The following PEBP4 variants were observed in gnomAD, a reference collection of about 807,000 sequenced individuals.
PEBP4 encodes phosphatidylethanolamine binding protein 4.
In PEBP4, 22 loss-of-function variants were observed where a neutral mutation model predicts 23.9. The observed-to-expected ratio is 0.92, with a 90% CI of 0.66 to 1.31. The LOEUF (loss-of-function observed/expected upper bound fraction) is 1.31. PEBP4 is among the 40% of genes most tolerant of loss of function. The pLI is 0.00. For missense variants in PEBP4, 324 were observed against 281.7 expected (o/e 1.15, Z -1.07); for synonymous variants, 112 against 99.3 (o/e 1.13, Z -0.76).
chr8:22,787,168 G>C (rs545275266), intron 4 of PEBP4, among the ~76,000 whole-genome samples: 2 of 152,322 alleles, frequency 1.3e-5, no homozygotes, highest in East Asian at 3.9e-4. Flanking sequence ...TTGGGCAGGA[G>C]AGGAGTCTGT....
At chr8:22,763,214 A>G (rs1237116926) in intron 4 of PEBP4, among the ~76,000 whole-genome samples, 2 of 152,142 alleles carry the variant, frequency 1.3e-5, no homozygotes, top group Admixed American at 1.3e-4. Flanking sequence ...CATGTTGGCC[A>G]GGCTGGTCTC....
intron 4 of PEBP4, among the ~76,000 whole-genome samples, chr8:22,737,294 C>CAAAA (rs11302571): frequency 1.4e-3 from 92 of 65,474 alleles, no homozygotes; most frequent in African/African-American, 5.0e-3. Context: ...GACTCCGTCT[C>CAAAA]AAAAAAAAAA....
At chr8:22,842,354 T>A (rs1361263645) in intron 3 of PEBP4, among the ~76,000 whole-genome samples, 4 of 152,148 alleles carry the variant, frequency 2.6e-5, no homozygotes, top group African/African-American at 9.7e-5. Context: ...AAAGTCTGGG[T>A]ATGGTGGCCA....
intron 4 of PEBP4, among the ~76,000 whole-genome samples, chr8:22,812,948 G>A (rs1028135164): frequency 1.3e-5 from 2 of 151,954 alleles, no homozygotes; most frequent in African/African-American, 2.4e-5. Context: ...TCACAGAGGC[G>A]AAGTTGCAGT....
chr8:22,848,914 C>G (rs1807495751), intron 3 of PEBP4, among the ~76,000 whole-genome samples: 1 of 152,184 alleles, frequency 6.6e-6, no homozygotes, highest in South Asian at 2.1e-4. Context: ...GCACTAGCCA[C>G]CATCATTCAG....
intron 4 of PEBP4, among the ~76,000 whole-genome samples, chr8:22,800,625 C>T (rs762537704): frequency 6.6e-6 from 1 of 152,146 alleles, no homozygotes. Flanking sequence ...AACCGCACAT[C>T]AGGCTGCAGG....
At chr8:22,890,414 C>A (rs1419240499) in intron 3 of PEBP4, among the ~76,000 whole-genome samples, 1 of 152,232 alleles carries the variant, frequency 6.6e-6, no homozygotes, top group Non-Finnish European at 1.5e-5. Flanking sequence ...CAATAAGCAA[C>A]CTCAAGTCAT....
At chr8:22,925,259 T>G in intron 2 of PEBP4, 3 of 985,426 alleles carry the variant, frequency 3.0e-6, no homozygotes, top group Non-Finnish European at 3.6e-6. Context: ...AGTCTCTTTC[T>G]CAGACTGGGG....
chr8:22,893,389 C>A (rs1808532116), intron 3 of PEBP4, among the ~76,000 whole-genome samples: 1 of 152,098 alleles, frequency 6.6e-6, no homozygotes, highest in Admixed American at 6.6e-5. Flanking sequence ...TAAAAATCCA[C>A]AAGTCTGGCA....
chr8:22,852,844 A>C (rs1807575494), intron 3 of PEBP4, among the ~76,000 whole-genome samples: 1 of 152,218 alleles, frequency 6.6e-6, no homozygotes, highest in African/African-American at 2.4e-5. Context: ...AAAATGCAAA[A>C]TGCTAAGATG....
chr8:22,856,413 G>A (rs1807650754), intron 3 of PEBP4, among the ~76,000 whole-genome samples: 1 of 152,118 alleles, frequency 6.6e-6, no homozygotes, highest in African/African-American at 2.4e-5. Flanking sequence ...ATTTGGCAAT[G>A]AATATCAAAA....
chr8:22,918,950 C>CACATGTGCAT (rs60679438), intron 3 of PEBP4, among the ~76,000 whole-genome samples: 7 of 151,872 alleles, frequency 4.6e-5, no homozygotes, highest in Non-Finnish European at 8.8e-5. Flanking sequence ...CACATGTGCA[C>CACATGTGCAT]GTGTGCACTT....
intron 4 of PEBP4, among the ~76,000 whole-genome samples, chr8:22,737,294 C>CAAAAAAAAAAAAAAAA (rs11302571): frequency 1.5e-5 from 1 of 65,496 alleles, no homozygotes; most frequent in Non-Finnish European, 3.1e-5. Flanking sequence ...GACTCCGTCT[C>CAAAAAAAAAAAAAAAA]AAAAAAAAAA....
intron 3 of PEBP4, among the ~76,000 whole-genome samples, chr8:22,882,559 G>A (rs920935554): frequency 2.0e-5 from 3 of 152,200 alleles, no homozygotes; most frequent in South Asian, 2.1e-4. Context: ...AAAAGGGACC[G>A]TGGCTCCCGG....
intron 3 of PEBP4, among the ~76,000 whole-genome samples, chr8:22,881,108 T>A (rs1268895498): frequency 1.1e-4 from 16 of 152,258 alleles, no homozygotes; most frequent in Admixed American, 1.0e-3. Context: ...AGCCAGGATA[T>A]TCCTACCTCT....
chr8:22,900,951 A>G (rs960583891), intron 3 of PEBP4, among the ~76,000 whole-genome samples: 16 of 152,212 alleles, frequency 1.1e-4, no homozygotes, highest in Non-Finnish European at 5.9e-5. Flanking sequence ...CAGAAGGACC[A>G]TAAGGACACT....
chr8:22,721,074 C>T (rs7829416), intron 6 of PEBP4, among the ~76,000 whole-genome samples: 2 of 151,814 alleles, frequency 1.3e-5, no homozygotes, highest in South Asian at 2.1e-4. Context: ...AGCCCCTCCA[C>T]GACCCTTGCT....
intron 4 of PEBP4, among the ~76,000 whole-genome samples, chr8:22,764,310 C>T (rs1366823050): frequency 6.6e-6 from 1 of 152,166 alleles, no homozygotes; most frequent in African/African-American, 2.4e-5. Flanking sequence ...ACTCTTCTCT[C>T]CCAATGCTGA....
Position 22,865,972 on chromosome 8 carries a change from C to T in PEBP4, c.259-48237G>A, listed in dbSNP as rs977958534. On this transcript the variant is annotated intron_variant, in intron 3 of 6. Transcript: ENST00000256404. The surrounding 1 kb of genome is among the most constrained non-coding windows in gnomAD (Gnocchi z 6.9). ...CGGTGCTGCCCGGAGAGCGCGCAGC[C>T]CCCAGCCGGCCGCGCCAGCGCTGCG... is the stretch of plus-strand genomic sequence containing the variant. Among the ~76,000 whole-genome samples the T allele has an allele frequency of 6.6e-6, 1 of 151,960 alleles. No individual in the cohort carries two copies. Among genetic ancestry groups the T allele is most frequent in the Non-Finnish European group, 1.5e-5 (1 of 67,942 alleles).
Sources: gnomAD v4.1 joint callset for allele counts (sites outside exome capture counted in the v4.1 genomes callset) on GRCh38, gnomAD v4.1.1 for gene constraint, Gnocchi (gnomAD v3.1) non-coding constraint, MANE v1.5 for transcripts, NCBI Gene and HGNC (gene_info 2026-07-23, HGNC 2026-07-21) for gene names.